AMMECR1L: variants seen among roughly 807,000 people sequenced by gnomAD.
AMMECR1L encodes AMMECR1-like protein.
In AMMECR1L, 4 loss-of-function variants were observed where a neutral mutation model predicts 36.8. The ratio of observed to expected loss-of-function variants is 0.11; its 90% CI spans 0.05 to 0.25. AMMECR1L has a LOEUF of 0.25. AMMECR1L is among the 10% of genes least tolerant of loss of function. The pLI, the probability that AMMECR1L is intolerant of heterozygous loss-of-function variation, is 1.00. For synonymous variants in AMMECR1L, 147 were observed against 148.0 expected (o/e 0.99, Z 0.05); for missense variants, 232 against 392.1 (o/e 0.59, Z 3.45).
Position 127,869,365 on chromosome 2 carries a change from C to T in AMMECR1L, c.724+89G>A. ...GCCCTCATTCTCAGCTGCAGTTGGGCTGCAAGATGACACACTTCACTTTCT... is the reference window on the plus strand; with the variant it reads ...GCCCTCATTCTCAGCTGCAGTTGGGTTGCAAGATGACACACTTCACTTTCT... On this transcript the variant is annotated intron_variant, in intron 6 of 7. Coordinates refer to ENST00000272647, the MANE Select transcript of AMMECR1L (RefSeq NM_001199140.2). This position sits in a 1 kb window ranked among gnomAD's most constrained non-coding sequence, Gnocchi z 4.7. 1 of 1,266,356 alleles carries T rather than the reference C, an allele frequency of 7.9e-7. No homozygotes were observed. Among genetic ancestry groups the T allele is most frequent in the Non-Finnish European group, 1.2e-6 (1 of 869,028 alleles). The allele number at this position is 1,266,356 out of a possible 1,614,324, so 78.4% of individuals were successfully genotyped here. A position where few individuals can be genotyped will look rare whatever the true frequency, so the allele number is the denominator to read the frequency against.
Position 127,873,755 on chromosome 2 carries a change from C to T in AMMECR1L, c.407+73G>A. ...ATAATAAAGACTTCCAAGTAGCAGA[C>T]CCTCTCAAGAGAATCACCCCAGAAA... On this transcript the variant is annotated intron_variant, in intron 3 of 7. Transcript: ENST00000272647. The surrounding 1 kb of genome is among the most constrained non-coding windows in gnomAD (Gnocchi z 5.2). 3 of 1,606,024 alleles carry T rather than the reference C, an allele frequency of 1.9e-6. No homozygotes were observed. Among genetic ancestry groups the T allele is most frequent in the Non-Finnish European group, 2.5e-6 (3 of 1,178,512 alleles).
intron 5 of AMMECR1L, 78 bp downstream of exon 5, chr2:127,870,736 A>G: frequency 1.8e-6 from 2 of 1,087,188 alleles, no homozygotes; most frequent in Non-Finnish European, 2.7e-6. Context: ...TCTCTCAATG[A>G]AGGAGATACA....
Position 127,869,435 on chromosome 2 carries a change from T to G in AMMECR1L, c.724+19A>C. The G allele has an allele frequency of 6.3e-7, 1 of 1,595,966 alleles. No homozygotes were observed. Among genetic ancestry groups the G allele is most frequent in the Non-Finnish European group, 8.6e-7 (1 of 1,163,482 alleles). On this transcript the variant is annotated intron_variant, in intron 6 of 7. Coordinates refer to ENST00000272647, the MANE Select transcript of AMMECR1L (RefSeq NM_001199140.2). The surrounding 1 kb of genome is among the most constrained non-coding windows in gnomAD (Gnocchi z 4.7). ...CTGTGAATGATACTTGTCATTAAAA[T>G]CCCATTCATCCAACTCACCTTGTTC...
At chr2:127,870,055 G>A (rs986922834) in intron 5 of AMMECR1L, among the ~76,000 whole-genome samples, 47 of 151,482 alleles carry the variant, frequency 3.1e-4, no homozygotes, top group African/African-American at 1.1e-3. Flanking sequence ...GGTGGCTCAC[G>A]CCTATAATCC....
At chr2:127,883,482 T>C (rs1691613718) in intron 2 of AMMECR1L, among the ~76,000 whole-genome samples, 1 of 152,200 alleles carries the variant, frequency 6.6e-6, no homozygotes, top group Non-Finnish European at 1.5e-5. Flanking sequence ...CTGTTTTCTA[T>C]GTGACCTGTA....
chr2:127,883,662 A>C (rs1454672629), intron 2 of AMMECR1L, among the ~76,000 whole-genome samples: 1 of 152,228 alleles, frequency 6.6e-6, no homozygotes, highest in Non-Finnish European at 1.5e-5. Context: ...AGGGCACAGC[A>C]GTCATAATTT....
At position 127,864,240 on chromosome 2, in the gene AMMECR1L, AGAG is replaced by A. The variant is rs1367855191; in HGVS notation, c.*851_*853del. On this transcript the variant is annotated 3_prime_UTR_variant, in exon 8 of 8. Coordinates refer to ENST00000272647, the MANE Select transcript of AMMECR1L (RefSeq NM_001199140.2). The stretch of plus-strand genomic sequence containing the variant: ...TCCAGCTATAGGCACTGCTACCAGC[AGAG>A]GAGTGAGGTAGCCAGGCGGTGCAGA... 1 of 152,738 alleles carries A rather than the reference AGAG, an allele frequency of 6.5e-6. No individual in the cohort carries two copies. The highest frequency in any genetic ancestry group is 1.5e-5 in the Non-Finnish European group (1 of 68,090). The allele number at this position is 152,738 out of a possible 1,614,324, so 9.5% of individuals were successfully genotyped here.
chr2:127,883,376 T>G (rs2104785605), intron 2 of AMMECR1L, among the ~76,000 whole-genome samples: 1 of 152,326 alleles, frequency 6.6e-6, no homozygotes, highest in South Asian at 2.1e-4. Context: ...ATTACAGGCT[T>G]GAGCCACTGC....
rs755041711 is a variant in AMMECR1L, at chr2:127,869,530, C to A, written c.648G>T (p.Gly216=). 2 of 1,613,816 alleles carry A rather than the reference C, an allele frequency of 1.2e-6. No individual in the cohort carries two copies. Among genetic ancestry groups the A allele is most frequent in the South Asian group, 2.2e-5 (2 of 91,074 alleles). Residue 216 remains glycine, a synonymous_variant, in exon 6 of 8, where the codon GGG becomes GGT. Coordinates refer to ENST00000272647, the MANE Select transcript of AMMECR1L (RefSeq NM_001199140.2). The surrounding 1 kb of genome is among the most constrained non-coding windows in gnomAD (Gnocchi z 4.7). ...TTTCATTAATGAATTCAATTCGAAT[C>A]CCATGGACCCCTACCTATAGAAAAA... ...DYLDWEVGVH[G]IRIEFINEKG...
chr2:127,883,524 C>G (rs995533325), intron 2 of AMMECR1L, among the ~76,000 whole-genome samples: 2 of 152,090 alleles, frequency 1.3e-5, no homozygotes, highest in Non-Finnish European at 2.9e-5. Context: ...GGCCTCAGTT[C>G]TTTCATTTGT....
chr2:127,876,937 A>C (rs575226627), intron 2 of AMMECR1L, among the ~76,000 whole-genome samples: 1 of 151,752 alleles, frequency 6.6e-6, no homozygotes, highest in African/African-American at 2.4e-5. Flanking sequence ...GAATCACTTG[A>C]ACTCTGGAGG....
At chr2:127,881,653 A>G (rs1691506496) in intron 2 of AMMECR1L, among the ~76,000 whole-genome samples, 1 of 152,364 alleles carries the variant, frequency 6.6e-6, no homozygotes, top group South Asian at 2.1e-4. Flanking sequence ...TCTGTGGCAC[A>G]TAACTACTAT....
rs772966648 is a variant in AMMECR1L at position 127,876,541 on chromosome 2, T to C, written c.-38-2269A>G. Among the ~76,000 whole-genome samples, 8 of 152,046 alleles carry C rather than the reference T, an allele frequency of 5.3e-5. 1 individual carries two copies. The highest frequency in any genetic ancestry group is 1.0e-4 in the Non-Finnish European group (7 of 68,006). Reference sequence around the variant, plus strand: ...TTTCTGACCATGGATGTCACTGTCTTATTTGGACTGTTGAGAGGGGAAGCA... The same window carrying C: ...TTTCTGACCATGGATGTCACTGTCTCATTTGGACTGTTGAGAGGGGAAGCA... On this transcript the variant is annotated intron_variant, in intron 2 of 7. Transcript: ENST00000272647.
At chr2:127,872,338 C>T (rs1035823095) in intron 3 of AMMECR1L, among the ~76,000 whole-genome samples, 3 of 152,044 alleles carry the variant, frequency 2.0e-5, no homozygotes, top group South Asian at 2.1e-4. Context: ...TGAGCCACCG[C>T]GCCCAGCCAA....
intron 1 of AMMECR1L, chr2:127,884,776 G>C (rs568480392): frequency 5.2e-5 from 8 of 152,402 alleles, no homozygotes; most frequent in African/African-American, 1.9e-4. Flanking sequence ...AGGCCATCTT[G>C]CTATGCCGGG....
rs76790174 is a variant in AMMECR1L at position 127,871,753 on chromosome 2, C to T, written c.408-394G>A. ...CCCCGCTCCGTCTTTCATGATGACA[C>T]GCCTCACCTGCACAGCCCCGTTCAT... is the stretch of plus-strand genomic sequence containing the variant. On this transcript the variant is annotated intron_variant, in intron 3 of 7. Coordinates refer to ENST00000272647, the MANE Select transcript of AMMECR1L (RefSeq NM_001199140.2). This position sits in a 1 kb window ranked among gnomAD's most constrained non-coding sequence, Gnocchi z 4.3. 3.3e-5 allele frequency among the ~76,000 whole-genome samples: 5 copies of T among 152,258 alleles called. No individual in the cohort carries two copies. The East Asian group carries it at 5.8e-4, about 18-fold the overall frequency.
At position 127,874,408 on chromosome 2, in the gene AMMECR1L, G is replaced by T; in HGVS notation, c.-38-136C>A. 1 of 814,478 alleles carries T rather than the reference G, an allele frequency of 1.2e-6. No individual in the cohort carries two copies. The highest frequency in any genetic ancestry group is 1.9e-6 in the Non-Finnish European group (1 of 535,456). The allele number at this position is 814,478 out of a possible 1,614,324, so 50.5% of individuals were successfully genotyped here. On this transcript the variant is annotated intron_variant, in intron 2 of 7. Coordinates refer to ENST00000272647, the MANE Select transcript of AMMECR1L (RefSeq NM_001199140.2). This position sits in a 1 kb window ranked among gnomAD's most constrained non-coding sequence, Gnocchi z 5.2. ...TCTCCCACTCAACCTCCAGGTCACA[G>T]ACCAGGAGAAGAAACCCCTAACCTT... is the stretch of plus-strand genomic sequence containing the variant.
chr2:127,884,566 G>A (rs1691666559), intron 1 of AMMECR1L, among the ~76,000 whole-genome samples: 1 of 152,120 alleles, frequency 6.6e-6, no homozygotes. Context: ...AGAATCAAAG[G>A]TTTTATTTAT....
At chr2:127,883,684 T>G (rs1419134833) in intron 2 of AMMECR1L, among the ~76,000 whole-genome samples, 1 of 152,230 alleles carries the variant, frequency 6.6e-6, no homozygotes, top group Non-Finnish European at 1.5e-5. Flanking sequence ...TCCCCAGAAC[T>G]TTGTTTCAAG....
Sources: allele counts gnomAD v4.1 joint callset (sites outside exome capture counted in the v4.1 genomes callset), GRCh38; gene constraint gnomAD v4.1.1; non-coding constraint Gnocchi (gnomAD v3.1); transcripts MANE v1.5; gene names NCBI Gene and HGNC (gene_info 2026-07-23, HGNC 2026-07-21).